CACNA2D3: variants seen among roughly 807,000 people sequenced by gnomAD.
CACNA2D3 encodes the protein voltage-dependent calcium channel subunit alpha-2/delta-3.
A neutral mutation model predicts 160.6 loss-of-function variants in CACNA2D3; 60 were observed. The ratio of observed to expected loss-of-function variants is 0.37; its 90% confidence interval spans 0.30 to 0.46. The LOEUF (loss-of-function observed/expected upper bound fraction) is 0.46, where lower values mean the gene tolerates loss of function less well. Ranked by LOEUF, CACNA2D3 falls within the 20% of genes least tolerant of loss-of-function variation. The pLI is 1.00. For missense variants in CACNA2D3, 1,205 were observed against 1,365.0 expected (o/e 0.88, Z 1.85); for synonymous variants, 558 against 492.9 (o/e 1.13, Z -1.75).
chr3:54,357,488 C>A (rs1698669671), intron 3 of CACNA2D3, among the ~76,000 whole-genome samples: 1 of 152,188 alleles, frequency 6.6e-6, no homozygotes, highest in Non-Finnish European at 1.5e-5. Context: ...AAAACGGTAA[C>A]AGCCACTTTG....
At chr3:54,964,412 T>G (rs1702097801) in intron 27 of CACNA2D3, among the ~76,000 whole-genome samples, 1 of 152,070 alleles carries the variant, frequency 6.6e-6, no homozygotes, top group African/African-American at 2.4e-5. Context: ...AATGGTGATT[T>G]TTTTTTTTCT....
chr3:54,560,876 A>G (rs1217817116), intron 5 of CACNA2D3, among the ~76,000 whole-genome samples: 1 of 152,154 alleles, frequency 6.6e-6, no homozygotes, highest in Non-Finnish European at 1.5e-5. Context: ...GTCAAAGATA[A>G]GATAGTTGTA....
At chr3:54,839,083 C>T (rs541949822) in intron 16 of CACNA2D3, among the ~76,000 whole-genome samples, 1 of 152,200 alleles carries the variant, frequency 6.6e-6, no homozygotes, top group Non-Finnish European at 1.5e-5. Context: ...CGGTGAAACC[C>T]CGTCTCTACT....
intron 2 of CACNA2D3, among the ~76,000 whole-genome samples, chr3:54,261,919 C>T (rs1005229574): frequency 1.3e-5 from 2 of 152,144 alleles, no homozygotes; most frequent in African/African-American, 4.8e-5. Flanking sequence ...TGCACAGACC[C>T]CCCCATGGTG....
At chr3:54,660,199 C>T (rs983914684) in intron 11 of CACNA2D3, among the ~76,000 whole-genome samples, 28 of 148,060 alleles carry the variant, frequency 1.9e-4, no homozygotes, top group South Asian at 6.4e-4. Context: ...CTTGCTCTGT[C>T]GCCCAGGCTG....
At chr3:54,571,612 A>AGTGTGTGTGTGTGTGTGTGTGTGT (rs58652360) in intron 8 of CACNA2D3, among the ~76,000 whole-genome samples, 1 of 136,214 alleles carries the variant, frequency 7.3e-6, no homozygotes, top group Non-Finnish European at 1.6e-5. Flanking sequence ...CACTTAACCA[A>AGTGTGTGTGTGTGTGTGTGTGTGT]GTGTGTGTGT....
chr3:54,224,500 A>G (rs1291659975), intron 2 of CACNA2D3, among the ~76,000 whole-genome samples: 3 of 152,186 alleles, frequency 2.0e-5, no homozygotes, highest in Non-Finnish European at 2.9e-5. Context: ...CTACAATGTT[A>G]CAACACCTGG....
intron 29 of CACNA2D3, among the ~76,000 whole-genome samples, 163 bp downstream of exon 29, chr3:54,970,007 T>C (rs1169119810): frequency 2.6e-5 from 4 of 152,182 alleles, no homozygotes; most frequent in Non-Finnish European, 5.9e-5. Flanking sequence ...TTGTTTCTTT[T>C]TTTTTGTTCC....
In CACNA2D3 at chr3:54,540,376, A is replaced by T. The variant is rs552132633; in HGVS notation, c.545-22424A>T. 5.3e-5 allele frequency among the ~76,000 whole-genome samples: 8 copies of T among 152,344 alleles called. No individual in the cohort carries two copies. The South Asian group carries it at 1.7e-3, about 32-fold the overall frequency. ...TAAGCTTTTTAAAAATAATTGAAGT[A>T]CCAAATATAAAGCTAAATATAATTT... On this transcript the variant is annotated intron_variant, in intron 5 of 37. Transcript: ENST00000474759.
chr3:54,232,725 T>C (rs1246105357), intron 2 of CACNA2D3, among the ~76,000 whole-genome samples: 1 of 152,194 alleles, frequency 6.6e-6, no homozygotes, highest in Non-Finnish European at 1.5e-5. Context: ...GAACTGCAGC[T>C]GTAGATCACA....
chr3:54,457,609 T>A (rs552669935), intron 4 of CACNA2D3, among the ~76,000 whole-genome samples: 1 of 152,112 alleles, frequency 6.6e-6, no homozygotes, highest in East Asian at 1.9e-4. Flanking sequence ...ATTTTTTTTA[T>A]TGATTTTCTG....
intron 12 of CACNA2D3, among the ~76,000 whole-genome samples, chr3:54,753,883 C>T (rs1701916388): frequency 6.6e-6 from 1 of 152,024 alleles, no homozygotes; most frequent in Non-Finnish European, 1.5e-5. Context: ...GATGAGAATA[C>T]CTAAAATCTA....
chr3:54,915,200 T>C (rs888514062), intron 27 of CACNA2D3, among the ~76,000 whole-genome samples: 1 of 152,200 alleles, frequency 6.6e-6, no homozygotes, highest in Non-Finnish European at 1.5e-5. Context: ...ATTTGCCTTA[T>C]TTGTAAAAGC....
intron 17 of CACNA2D3, among the ~76,000 whole-genome samples, chr3:54,867,355 G>A (rs191281500): frequency 4.2e-4 from 64 of 152,150 alleles, no homozygotes; most frequent in Non-Finnish European, 8.4e-4. Context: ...AAACAGTGAG[G>A]CATTTTATAA....
chr3:54,658,795 C>G (rs1227276868), intron 11 of CACNA2D3, among the ~76,000 whole-genome samples: 1 of 151,966 alleles, frequency 6.6e-6, no homozygotes, highest in Admixed American at 6.6e-5. Context: ...CCACTCACTC[C>G]CCGCTCAGTG....
At chr3:54,401,578 AG>A (rs1160770623) in intron 4 of CACNA2D3, among the ~76,000 whole-genome samples, 1 of 152,226 alleles carries the variant, frequency 6.6e-6, no homozygotes, top group Non-Finnish European at 1.5e-5. Context: ...GTTGCAAGCC[AG>A]GAGAGAAAGG....
chr3:54,426,747 T>C (rs949871611), intron 4 of CACNA2D3, among the ~76,000 whole-genome samples: 34 of 152,232 alleles, frequency 2.2e-4, no homozygotes, highest in African/African-American at 8.2e-4. Context: ...AAATCTGAAT[T>C]CTTAATAGTT....
chr3:54,198,569 G>A (rs1054272190), intron 2 of CACNA2D3, among the ~76,000 whole-genome samples: 2 of 152,254 alleles, frequency 1.3e-5, no homozygotes, highest in African/African-American at 4.8e-5. Flanking sequence ...AATTAAATTG[G>A]TCAATTTTTA....
chr3:54,619,443 A>G (rs1698933397), intron 9 of CACNA2D3, among the ~76,000 whole-genome samples: 1 of 152,228 alleles, frequency 6.6e-6, no homozygotes. Context: ...GGATGTAGCT[A>G]ATCTGACTAC....
Sources: allele counts gnomAD v4.1 joint callset (sites outside exome capture counted in the v4.1 genomes callset), GRCh38; gene constraint gnomAD v4.1.1; transcripts MANE v1.5; gene names NCBI Gene and HGNC (gene_info 2026-07-23, HGNC 2026-07-21).